The following SPAG16 variants were observed in gnomAD, a reference collection of about 807,000 sequenced individuals.
SPAG16 encodes the protein sperm associated antigen 16, also known as sperm-associated antigen 16 protein.
Under a neutral mutation model 80.4 loss-of-function variants are expected in SPAG16, and 86 were observed. That is an observed-to-expected ratio of 1.07 (90% CI 0.90 to 1.28). SPAG16 has a LOEUF of 1.28. Ranked by LOEUF, SPAG16 falls within the 50% of genes most tolerant of loss-of-function variation. The pLI is 0.00. For synonymous variants in SPAG16, 294 were observed against 265.9 expected, an observed-to-expected ratio of 1.11 and a Z score of -1.03; for missense variants, 870 against 765.3, an observed-to-expected ratio of 1.14 and a Z score of -1.61.
intron 9 of SPAG16, among the ~76,000 whole-genome samples, chr2:213,395,288 T>G (rs2067973872): frequency 6.6e-6 from 1 of 152,204 alleles, no homozygotes; most frequent in Admixed American, 6.5e-5. Context: ...GTTCTTCCTT[T>G]TAGACTTTTT....
intron 12 of SPAG16, among the ~76,000 whole-genome samples, chr2:213,999,121 TCC>T (rs2046667445): frequency 6.6e-6 from 1 of 152,110 alleles, no homozygotes; most frequent in Non-Finnish European, 1.5e-5. Context: ...GGAATGTTAA[TCC>T]CCAAGACAAT....
chr2:213,878,138 C>A (rs2076207242), intron 11 of SPAG16, among the ~76,000 whole-genome samples: 1 of 152,096 alleles, frequency 6.6e-6, no homozygotes, highest in South Asian at 2.1e-4. Context: ...ATTCTCTCTA[C>A]CTTCTTACTA....
At chr2:213,659,363 C>T (rs2063338243) in intron 10 of SPAG16, among the ~76,000 whole-genome samples, 1 of 151,112 alleles carries the variant, frequency 6.6e-6, no homozygotes, top group Admixed American at 6.6e-5. Context: ...GAGAAAGAAT[C>T]CCAATGGACT....
chr2:213,702,938 T>G (rs2065548952), intron 10 of SPAG16, among the ~76,000 whole-genome samples: 1 of 152,154 alleles, frequency 6.6e-6, no homozygotes, highest in Non-Finnish European at 1.5e-5. Context: ...TGTGTTAGTG[T>G]TCATCCACGC....
intron 11 of SPAG16, among the ~76,000 whole-genome samples, chr2:213,896,728 G>A (rs2077010168): frequency 6.6e-6 from 1 of 151,788 alleles, no homozygotes; most frequent in African/African-American, 2.4e-5. Context: ...ATGAAATTCT[G>A]TCATTTGCAG....
rs146874411 is a variant in SPAG16, at chr2:214,277,793, G to A, written c.1720+128527G>A. Among the ~76,000 whole-genome samples, 846 of 152,286 alleles carry A rather than the reference G, an allele frequency of 5.6e-3. 6 individuals are homozygous for A. The highest frequency in any genetic ancestry group is 0.012 in the South Asian group (59 of 4,830). On this transcript the variant is annotated intron_variant, in intron 15 of 15. Coordinates refer to ENST00000331683, the MANE Select transcript of SPAG16 (RefSeq NM_024532.5). ...ACCCACTTGAGGAAGCAGTCTGTCC[G>A]TTCTCAGAGCTCAAACGCTGTGCTG...
chr2:214,399,237 G>A (rs899618234), intron 15 of SPAG16, among the ~76,000 whole-genome samples: 4 of 151,922 alleles, frequency 2.6e-5, no homozygotes, highest in Non-Finnish European at 4.4e-5. Flanking sequence ...CAAGACCTTC[G>A]CATTTGATAT....
rs1475655543 is a variant in SPAG16 at position 213,765,593 on chromosome 2, A to ATG, written c.1071-96892_1071-96891insTG. The stretch of plus-strand genomic sequence containing the variant: ...CTTACATTTATTCATTCACAATGTC[A>ATG]CGTGTGTGTGTGTGTGTGTGTTATT... On this transcript the variant is annotated intron_variant, in intron 10 of 15. Transcript: ENST00000331683. Among the ~76,000 whole-genome samples, 5 of 132,380 alleles carry ATG rather than the reference A, an allele frequency of 3.8e-5. No homozygotes were observed. The East Asian group carries it at 8.8e-4, about 23-fold the overall frequency. 86.8% of individuals were successfully genotyped at this position (132,380 alleles called of 152,430 possible). A position where few individuals can be genotyped will look rare whatever the true frequency, so the allele number is the denominator to read the frequency against.
At chr2:214,304,171 C>T (rs1467841831) in intron 15 of SPAG16, among the ~76,000 whole-genome samples, 1 of 152,166 alleles carries the variant, frequency 6.6e-6, no homozygotes, top group African/African-American at 2.4e-5. Context: ...AACACATATC[C>T]CTGTAAAGGA....
At chr2:214,271,557 T>G (rs1692004387) in intron 15 of SPAG16, among the ~76,000 whole-genome samples, 1 of 152,254 alleles carries the variant, frequency 6.6e-6, no homozygotes, top group Non-Finnish European at 1.5e-5. Context: ...CTCCAGCACT[T>G]TGGGAGGCCA....
rs911914058 is a variant in SPAG16, at chr2:214,319,328, G to A, written c.1721-90812G>A. Among the ~76,000 whole-genome samples the A allele has an allele frequency of 8.5e-4, 129 of 152,058 alleles. 1 individual carries two copies. The highest frequency in any genetic ancestry group is 2.8e-3 in the African/African-American group (118 of 41,458). Reference sequence around the variant, plus strand: ...TAGTCTATATAATGCACTAAGAGACGCAGAGAGGAGGTATGTACAGAGTAG... The same window carrying A: ...TAGTCTATATAATGCACTAAGAGACACAGAGAGGAGGTATGTACAGAGTAG... On this transcript the variant is annotated intron_variant, in intron 15 of 15. Transcript: ENST00000331683.
At chr2:213,784,978 G>C (rs921452080) in intron 10 of SPAG16, among the ~76,000 whole-genome samples, 2 of 152,068 alleles carry the variant, frequency 1.3e-5, no homozygotes, top group African/African-American at 4.8e-5. Flanking sequence ...AGTTCTATAA[G>C]GCTAAGTGTA....
chr2:213,321,022 G>A (rs1575185650), intron 5 of SPAG16, among the ~76,000 whole-genome samples: 1 of 151,974 alleles, frequency 6.6e-6, no homozygotes, highest in Admixed American at 6.6e-5. Flanking sequence ...TCCCTATATT[G>A]AGCTTGAGCT....
At chr2:213,774,771 G>A (rs542093965) in intron 10 of SPAG16, among the ~76,000 whole-genome samples, 3 of 152,314 alleles carry the variant, frequency 2.0e-5, no homozygotes, top group Non-Finnish European at 4.4e-5. Context: ...TTCGAGGCCA[G>A]TAGTGTGGCA....
chr2:213,723,766 C>T (rs2125401934), intron 10 of SPAG16, among the ~76,000 whole-genome samples: 1 of 152,244 alleles, frequency 6.6e-6, no homozygotes, highest in East Asian at 1.9e-4. Context: ...TAACCATTTC[C>T]AGGGAGCTGT....
intron 14 of SPAG16, among the ~76,000 whole-genome samples, chr2:214,128,688 T>C (rs976736557): frequency 6.6e-6 from 1 of 151,916 alleles, no homozygotes; most frequent in African/African-American, 2.4e-5. Flanking sequence ...TTGTGTGAAT[T>C]AGAAGTAGCC....
intron 10 of SPAG16, among the ~76,000 whole-genome samples, chr2:213,816,175 T>C (rs577500667): frequency 5.3e-5 from 8 of 152,292 alleles, no homozygotes; most frequent in African/African-American, 1.7e-4. Context: ...TCATACAGTA[T>C]ATACTTTTTT....
intron 15 of SPAG16, among the ~76,000 whole-genome samples, chr2:214,223,130 A>AT (rs1166094913): frequency 4.6e-5 from 7 of 151,014 alleles, no homozygotes; most frequent in African/African-American, 1.7e-4. Flanking sequence ...ATTATGAACT[A>AT]TTTTTTATTA....
At chr2:214,292,206 G>A (rs191568305) in intron 15 of SPAG16, among the ~76,000 whole-genome samples, 2 of 152,102 alleles carry the variant, frequency 1.3e-5, no homozygotes, top group Non-Finnish European at 2.9e-5. Context: ...TTAGATGGTT[G>A]GACTATAATA....
Sources: gnomAD v4.1 joint callset for allele counts (sites outside exome capture counted in the v4.1 genomes callset) on GRCh38, gnomAD v4.1.1 for gene constraint, MANE v1.5 for transcripts, NCBI Gene and HGNC (gene_info 2026-07-23, HGNC 2026-07-21) for gene names.